The following FBXL13 variants were observed in gnomAD, a reference collection of about 807,000 sequenced individuals.
FBXL13 encodes F-box and leucine-rich repeat protein 13.
Under a neutral mutation model 83.6 loss-of-function variants are expected in FBXL13, and 67 were observed. The observed-to-expected ratio is 0.80, with a 90% CI of 0.66 to 0.98. The LOEUF (loss-of-function observed/expected upper bound fraction) is 0.98, where lower values mean the gene tolerates loss of function less well. Among genes scored for constraint, FBXL13 ranks in the 50% least tolerant of loss-of-function variants. The probability of loss-of-function intolerance (pLI) is 0.00; values close to 1 mark genes in which losing one functional copy is unlikely to be tolerated. For synonymous variants in FBXL13, 272 were observed against 299.5 expected (o/e 0.91, Z 0.95); for missense variants, 822 against 866.5 (o/e 0.95, Z 0.64).
chr7:102,851,003 C>T (rs1038124355), intron 17 of FBXL13, among the ~76,000 whole-genome samples: 5 of 152,150 alleles, frequency 3.3e-5, no homozygotes, highest in African/African-American at 1.2e-4. Context: ...GTCAAACAAC[C>T]ATTCAGAACA....
intron 17 of FBXL13, among the ~76,000 whole-genome samples, chr7:102,840,633 A>T (rs79175446): frequency 0.029 from 4,420 of 152,308 alleles, 186 homozygotes; most frequent in East Asian, 0.16. Context: ...TAAGAAATAA[A>T]GAGTTCACGA....
intron 2 of FBXL13, among the ~76,000 whole-genome samples, chr7:103,045,786 T>C (rs1195582074): frequency 1.3e-5 from 2 of 152,242 alleles, no homozygotes; most frequent in African/African-American, 4.8e-5. Context: ...TCCCCCCTTT[T>C]TGGTCAGGTT....
chr7:102,944,498 C>T (rs771593126), intron 8 of FBXL13: 1 of 1,613,790 alleles, frequency 6.2e-7, no homozygotes, highest in Non-Finnish European at 8.5e-7. Flanking sequence ...GACAAGTTAC[C>T]AGCATATCCT....
intron 6 of FBXL13, among the ~76,000 whole-genome samples, chr7:102,989,510 G>C (rs1829341311): frequency 6.6e-6 from 1 of 152,194 alleles, no homozygotes; most frequent in Admixed American, 6.5e-5. Flanking sequence ...AGAAGAGGAG[G>C]AGTGTTTGGG....
At chr7:103,010,329 G>A (rs367680272) in intron 6 of FBXL13, among the ~76,000 whole-genome samples, 34 of 152,004 alleles carry the variant, frequency 2.2e-4, no homozygotes, top group African/African-American at 3.4e-4. Context: ...CAGGGTGAGC[G>A]TCCCCAGCCA....
At chr7:102,881,273 C>G (rs550330843) in intron 14 of FBXL13, among the ~76,000 whole-genome samples, 1 of 151,792 alleles carries the variant, frequency 6.6e-6, no homozygotes, top group Non-Finnish European at 1.5e-5. Flanking sequence ...TGGTGAGACC[C>G]TATCTCTACA....
chr7:102,862,222 G>A (rs903345870), intron 16 of FBXL13, among the ~76,000 whole-genome samples: 2 of 151,486 alleles, frequency 1.3e-5, no homozygotes, highest in Admixed American at 6.6e-5. Flanking sequence ...CCCGCTACTC[G>A]GTAGGCTGAG....
intron 19 of FBXL13, among the ~76,000 whole-genome samples, chr7:102,819,207 G>C (rs1042292805): frequency 2.6e-5 from 4 of 152,102 alleles, no homozygotes; most frequent in Non-Finnish European, 5.9e-5. Context: ...TCCCCACAGA[G>C]GGCCATAAGT....
At chr7:102,986,918 T>TACACAC (rs140052493) in intron 6 of FBXL13, among the ~76,000 whole-genome samples, 18,716 of 148,262 alleles carry the variant, frequency 0.13, 1,195 homozygotes, top group Middle Eastern at 0.2. Flanking sequence ...GAAAATGTGA[T>TACACAC]ACACACACAC....
intron 6 of FBXL13, among the ~76,000 whole-genome samples, chr7:102,972,561 GT>G (rs1376828285): frequency 6.6e-6 from 1 of 152,012 alleles, no homozygotes; most frequent in Non-Finnish European, 1.5e-5. Flanking sequence ...ACACTACTTG[GT>G]AATGGGTGCG....
At chr7:103,023,093 G>A (rs1011623456) in intron 6 of FBXL13, among the ~76,000 whole-genome samples, 2 of 152,050 alleles carry the variant, frequency 1.3e-5, no homozygotes, top group South Asian at 2.1e-4. Context: ...TGGCTAACAC[G>A]GTGAAACCCC....
intron 8 of FBXL13, among the ~76,000 whole-genome samples, chr7:102,948,718 A>C (rs1204466495): frequency 4.1e-5 from 6 of 145,076 alleles, no homozygotes; most frequent in African/African-American, 1.6e-4. Flanking sequence ...CACCACGCCC[A>C]GCCTTTTTTT....
chr7:102,846,802 C>T (rs1336441817), intron 17 of FBXL13, among the ~76,000 whole-genome samples: 1 of 151,684 alleles, frequency 6.6e-6, no homozygotes, highest in Non-Finnish European at 1.5e-5. Flanking sequence ...CACAGGCCAC[C>T]TATGCAAGCA....
In FBXL13 at chr7:102,941,752, A is replaced by C. The variant is rs561463705; in HGVS notation, c.725-9819T>G. ...AACAAGTTTTAAAGCTGTCTCAAAA[A>C]AAAAAAAAGATTATAATAGTTATTA... On this transcript the variant is annotated intron_variant, in intron 8 of 19. Transcript: ENST00000313221. Among the ~76,000 whole-genome samples the C allele has an allele frequency of 2.6e-5, 4 of 152,282 alleles. No homozygotes were observed. In the East Asian group the frequency reaches 5.8e-4, roughly 22 times the overall value.
At chr7:103,055,730 T>C (rs1797267753) in exon 2 of FBXL13, 1 of 1,279,006 alleles carries the variant, frequency 7.8e-7, no homozygotes, top group African/African-American at 1.5e-5. Context: ...ATGTAACAAG[T>C]ATACCACATA....
At chr7:102,993,002 A>C (rs941649526) in intron 6 of FBXL13, among the ~76,000 whole-genome samples, 1 of 152,176 alleles carries the variant, frequency 6.6e-6, no homozygotes, top group African/African-American at 2.4e-5. Context: ...ACTGTTCCCA[A>C]AGTGACTTCT....
chr7:103,054,250 C>T (rs772008908), intron 2 of FBXL13, among the ~76,000 whole-genome samples: 4 of 151,934 alleles, frequency 2.6e-5, no homozygotes, highest in African/African-American at 4.8e-5. Context: ...ATTTTAGTGG[C>T]GTGGCAGCAT....
intron 2 of FBXL13, among the ~76,000 whole-genome samples, chr7:103,043,157 A>G (rs4729865): frequency 0.98 from 149,156 of 152,114 alleles, 73,221 homozygotes; most frequent in East Asian, 1. Flanking sequence ...AAAAGTGGGC[A>G]AAGGATATGA....
intron 8 of FBXL13, among the ~76,000 whole-genome samples, chr7:102,956,710 A>G (rs1397796382): frequency 6.6e-6 from 1 of 152,226 alleles, no homozygotes; most frequent in Admixed American, 6.5e-5. Flanking sequence ...ATCAATGTGC[A>G]AAAATCACAA....
Sources: gnomAD v4.1 joint callset for allele counts (sites outside exome capture counted in the v4.1 genomes callset) on GRCh38, gnomAD v4.1.1 for gene constraint, MANE v1.5 for transcripts, NCBI Gene and HGNC (gene_info 2026-07-23, HGNC 2026-07-21) for gene names.